ZDHHC18: variants seen among roughly 807,000 people sequenced by gnomAD.
ZDHHC18 encodes the protein zDHHC palmitoyltransferase 18.
A neutral mutation model predicts 37.5 loss-of-function variants in ZDHHC18; 23 were observed. The ratio of observed to expected loss-of-function variants is 0.61; its 90% CI spans 0.44 to 0.87. ZDHHC18 has a LOEUF of 0.87. Ranked by LOEUF, ZDHHC18 falls within the 40% of genes least tolerant of loss-of-function variation. ZDHHC18 has a pLI of 0.00. For synonymous variants in ZDHHC18, 185 were observed against 218.7 expected, an observed-to-expected ratio of 0.85 and a Z score of 1.36; for missense variants, 406 against 525.6, an observed-to-expected ratio of 0.77 and a Z score of 2.22.
chr1:26,829,430 T>C (rs1427904961), intron 1 of ZDHHC18, among the ~76,000 whole-genome samples: 1 of 152,046 alleles, frequency 6.6e-6, no homozygotes, highest in East Asian at 1.9e-4. Context: ...CCGTGCACAC[T>C]CCTACCTCTG....
chr1:26,848,863 C>T (rs1557645291), intron 3 of ZDHHC18, 106 bp downstream of exon 3: 1 of 1,462,092 alleles, frequency 6.8e-7, no homozygotes, highest in Non-Finnish European at 9.2e-7. Context: ...GTCTGAAATA[C>T]CCAGGGCTGG....
chr1:26,851,105 A>G lies in ZDHHC18; in HGVS notation c.834-24A>G, dbSNP rs778300318. 1.9e-6 allele frequency: 3 copies of G among 1,609,038 alleles called. No homozygotes were observed. In the East Asian group the frequency reaches 6.7e-5, roughly 36 times the overall value. On this transcript the variant is annotated intron_variant, in intron 5 of 7. Transcript: ENST00000374142. ...CTGGGAGGCTCCCCACCCTCCACCCATTGAAGTCCTTAACTGCCCTCACCG... is the reference window on the plus strand; with the variant it reads ...CTGGGAGGCTCCCCACCCTCCACCCGTTGAAGTCCTTAACTGCCCTCACCG...
chr1:26,847,117 G>A (rs1384519592), intron 2 of ZDHHC18, among the ~76,000 whole-genome samples: 1 of 151,388 alleles, frequency 6.6e-6, no homozygotes, highest in Non-Finnish European at 1.5e-5. Flanking sequence ...GGATGGTCTC[G>A]ATCTCCTGAC....
chr1:26,850,459 G>A lies in ZDHHC18; in HGVS notation c.784+21G>A, dbSNP rs775948327. The A allele has an allele frequency of 6.2e-7, 1 of 1,614,268 alleles. No homozygotes were observed. The highest frequency in any genetic ancestry group is 1.7e-5 in the Admixed American group (1 of 60,032). On this transcript the variant is annotated intron_variant, in intron 4 of 7. Transcript: ENST00000374142. This position sits in a 1 kb window ranked among gnomAD's most constrained non-coding sequence, Gnocchi z 6.1. Reference sequence around the variant, plus strand: ...GTTGCGTGAGTTGTGGGTGAGGGCAGTGGGGAGTGGAAGGGGTCAGCCAGC... The same window carrying A: ...GTTGCGTGAGTTGTGGGTGAGGGCAATGGGGAGTGGAAGGGGTCAGCCAGC...
chr1:26,846,232 A>ATAT (rs370990667), intron 2 of ZDHHC18, among the ~76,000 whole-genome samples: 92,315 of 131,696 alleles, frequency 0.7, 33,639 homozygotes, highest in East Asian at 0.99. Context: ...ATGTGTATAT[A>ATAT]GAGAGAGAGA....
chr1:26,836,686 A>G (rs949345579), intron 2 of ZDHHC18, among the ~76,000 whole-genome samples: 25 of 147,322 alleles, frequency 1.7e-4, no homozygotes, highest in African/African-American at 6.0e-4. Flanking sequence ...CTCCTGCCTC[A>G]GCCTCCCGAG....
intron 3 of ZDHHC18, 78 bp downstream of exon 3, chr1:26,848,835 G>A: frequency 6.5e-7 from 1 of 1,549,692 alleles, no homozygotes; most frequent in African/African-American, 1.4e-5. Context: ...CATCAAGCAT[G>A]GGGATGGCGT....
intron 1 of ZDHHC18, among the ~76,000 whole-genome samples, chr1:26,830,600 T>C (rs1392314683): frequency 2.0e-5 from 3 of 152,162 alleles, no homozygotes; most frequent in Non-Finnish European, 4.4e-5. Context: ...GGGCAGTGTC[T>C]GGCACATAGT....
chr1:26,836,356 C>A (rs986967571), intron 2 of ZDHHC18, among the ~76,000 whole-genome samples: 1 of 152,098 alleles, frequency 6.6e-6, no homozygotes, highest in African/African-American at 2.4e-5. Flanking sequence ...CAGGGCTCTG[C>A]AGAACAGGCC....
chr1:26,839,999 C>T (rs887857923), intron 2 of ZDHHC18, among the ~76,000 whole-genome samples: 6 of 152,228 alleles, frequency 3.9e-5, no homozygotes, highest in Non-Finnish European at 8.8e-5. Context: ...CATGACACAG[C>T]GCTCTGCCTC....
Position 26,854,957 on chromosome 1 carries a change from G to A in ZDHHC18, c.*1114G>A, listed in dbSNP as rs1480649313. On this transcript the variant is annotated 3_prime_UTR_variant, in exon 8 of 8. Coordinates refer to ENST00000374142, the MANE Select transcript of ZDHHC18 (RefSeq NM_032283.3). The surrounding 1 kb of genome is among the most constrained non-coding windows in gnomAD (Gnocchi z 4.6). ...GAGTGTCAGAAGCACTCTGAGCCAA[G>A]GGGACAGGGGGCACGTGCACTGGTC... 1 of 152,294 alleles carries A rather than the reference G, an allele frequency of 6.6e-6. No homozygotes were observed. The allele number at this position is 152,294 out of a possible 1,614,324, so 9.4% of individuals were successfully genotyped here. A position where few individuals can be genotyped will look rare whatever the true frequency, so the allele number is the denominator to read the frequency against.
In ZDHHC18 at chr1:26,852,248, A is replaced by G. The variant is rs2081708573; in HGVS notation, c.937-505A>G. On this transcript the variant is annotated intron_variant, in intron 6 of 7. Transcript: ENST00000374142. ...TAAAGTCAAGGTATTCTTTATTGCT[A>G]AACTCTCCAGTGCCTTCCATAGCTG... Among the ~76,000 whole-genome samples, 3 of 152,370 alleles carry G rather than the reference A, an allele frequency of 2.0e-5. No individual in the cohort carries two copies. In the East Asian group the frequency reaches 5.8e-4, roughly 29 times the overall value.
rs373583803 is a variant in ZDHHC18 at position 26,850,434 on chromosome 1, G to A, written c.780G>A (p.Thr260=). ...FIFACVVTHL[T]LRAQGSNFLS... is the part of the protein sequence containing the mutation. ...TCGCCTGTGTGGTCACCCACCTGAC[G>A]TTGCGTGAGTTGTGGGTGAGGGCAG... The change falls in exon 4 of 8, where the codon ACG becomes ACA. Residue 260 remains threonine, a synonymous_variant. Coordinates refer to ENST00000374142, the MANE Select transcript of ZDHHC18 (RefSeq NM_032283.3). The surrounding 1 kb of genome is among the most constrained non-coding windows in gnomAD (Gnocchi z 6.1). 380 of 1,613,798 alleles carry A rather than the reference G, an allele frequency of 2.4e-4. No homozygotes were observed. The highest frequency in any genetic ancestry group is 2.9e-4 in the Non-Finnish European group (340 of 1,180,052).
intron 6 of ZDHHC18, 74 bp downstream of exon 6, chr1:26,851,305 G>T: frequency 7.0e-7 from 1 of 1,423,510 alleles, no homozygotes; most frequent in Non-Finnish European, 9.9e-7. Flanking sequence ...GGAGCCTGGG[G>T]CAGCCAAGCA....
intron 2 of ZDHHC18, among the ~76,000 whole-genome samples, chr1:26,834,346 A>G (rs1047286402): frequency 3.9e-5 from 6 of 152,328 alleles, no homozygotes; most frequent in Admixed American, 6.5e-5. Context: ...AACCAATTGT[A>G]CTGATGGAGA....
rs749963236 is a variant in ZDHHC18 at position 26,832,606 on chromosome 1, C to T, written c.495C>T (p.Ile165=). Residue 165 remains isoleucine (I), a splice_region_variant and synonymous_variant, in exon 2 of 8, where the codon ATC becomes ATT. Coordinates refer to ENST00000374142, the MANE Select transcript of ZDHHC18 (RefSeq NM_032283.3). ...VCEAAALEKQ[I]DNTGSSTYRP... The stretch of plus-strand genomic sequence containing the variant: ...AAGCAGCCGCCCTGGAGAAACAGAT[C>T]GGTGAGGTTTCTACTCCCAGCTGAA... The T allele has an allele frequency of 9.3e-6, 15 of 1,613,922 alleles. 1 individual carries two copies. Among genetic ancestry groups the T allele is most frequent in the Middle Eastern group, 1.7e-4 (1 of 6,058 alleles).
At chr1:26,837,856 A>G (rs1027337046) in intron 2 of ZDHHC18, among the ~76,000 whole-genome samples, 1 of 152,078 alleles carries the variant, frequency 6.6e-6, no homozygotes, top group African/African-American at 2.4e-5. Flanking sequence ...CTCTTCTCCT[A>G]CTGGTCCCTG....
At chr1:26,838,436 C>T (rs1318220046) in intron 2 of ZDHHC18, among the ~76,000 whole-genome samples, 1 of 152,240 alleles carries the variant, frequency 6.6e-6, no homozygotes, top group Middle Eastern at 3.2e-3. Context: ...AGCCACTGCA[C>T]TCGGCCTGTT....
chr1:26,848,518 C>A, intron 2 of ZDHHC18, 90 bp from the exon 3 acceptor site: 1 of 1,523,344 alleles, frequency 6.6e-7, no homozygotes, highest in Non-Finnish European at 9.0e-7. Context: ...TTCTCCTGGA[C>A]TGGCCAGGCA....
Sources: allele counts gnomAD v4.1 joint callset (sites outside exome capture counted in the v4.1 genomes callset), GRCh38; gene constraint gnomAD v4.1.1; non-coding constraint Gnocchi (gnomAD v3.1); transcripts MANE v1.5; gene names NCBI Gene and HGNC (gene_info 2026-07-23, HGNC 2026-07-21).